UBQLN1: variants seen among roughly 807,000 people sequenced by gnomAD.
UBQLN1 encodes the protein ubiquilin-1.
In UBQLN1, 13 loss-of-function variants were observed where a neutral mutation model predicts 65.4. That is an observed-to-expected ratio of 0.20 (90% CI 0.13 to 0.32). UBQLN1 has a LOEUF of 0.32. UBQLN1 is among the 10% of genes least tolerant of loss of function. The pLI is 1.00. For synonymous variants in UBQLN1, 267 were observed against 247.8 expected (o/e 1.08, Z -0.73); for missense variants, 561 against 724.0 (o/e 0.77, Z 2.58).
At chr9:83,700,817 G>A (rs995045837) in intron 1 of UBQLN1, among the ~76,000 whole-genome samples, 1 of 152,030 alleles carries the variant, frequency 6.6e-6, no homozygotes, top group African/African-American at 2.4e-5. Flanking sequence ...AAATGGAGAG[G>A]GCATGGAACC....
intron 1 of UBQLN1, among the ~76,000 whole-genome samples, chr9:83,687,398 G>A (rs1832057255): frequency 6.6e-6 from 1 of 152,190 alleles, no homozygotes; most frequent in Non-Finnish European, 1.5e-5. Context: ...GCTTCAGAGT[G>A]GGCCCAGGAA....
rs1464552893 is a variant in UBQLN1 at position 83,669,262 on chromosome 9, T to C, written c.1171A>G (p.Met391Val). Reference sequence around the variant, plus strand: ...TAGGGGGCAGACAACATGTTTTGCATCAGTTGTGGGTTTTCAGTTATTTGT... The same window carrying C: ...TAGGGGGCAGACAACATGTTTTGCACCAGTTGTGGGTTTTCAGTTATTTGT... ...LQQITENPQL[M>V]QNMLSAPYMR... Residue 391 changes from methionine (M) to valine (V), a missense_variant, in exon 7 of 11, where the codon ATG (methionine) becomes GTG (valine). This residue lies in a region of UBQLN1 where 102 missense variants were observed against 150.7 expected (regional missense o/e 0.68). Transcript: ENST00000376395. 1 of 1,613,070 alleles carries C rather than the reference T, an allele frequency of 6.2e-7. No homozygotes were observed. Among genetic ancestry groups the C allele is most frequent in the South Asian group, 1.1e-5 (1 of 90,874 alleles).
At chr9:83,693,923 A>C (rs1218859602) in intron 1 of UBQLN1, among the ~76,000 whole-genome samples, 1 of 152,226 alleles carries the variant, frequency 6.6e-6, no homozygotes, top group African/African-American at 2.4e-5. Context: ...GGCTGATGGG[A>C]GAATTAAGAG....
At chr9:83,678,806 T>A (rs1446807471) in intron 4 of UBQLN1, among the ~76,000 whole-genome samples, 1 of 152,076 alleles carries the variant, frequency 6.6e-6, no homozygotes, top group Non-Finnish European at 1.5e-5. Flanking sequence ...AAGCTCCGCC[T>A]CCCGGGTTCA....
At chr9:83,681,176 C>G (rs1831934121) in intron 3 of UBQLN1, among the ~76,000 whole-genome samples, 1 of 152,184 alleles carries the variant, frequency 6.6e-6, no homozygotes, top group South Asian at 2.1e-4. Flanking sequence ...CCAGGGAATA[C>G]CTGGAAATAG....
intron 6 of UBQLN1, among the ~76,000 whole-genome samples, chr9:83,676,630 AAT>A (rs1831837707): frequency 6.6e-6 from 1 of 152,194 alleles, no homozygotes; most frequent in African/African-American, 2.4e-5. Flanking sequence ...TCTATAAAAG[AAT>A]ATATATCAAC....
At chr9:83,670,559 C>T (rs543271257) in intron 6 of UBQLN1, among the ~76,000 whole-genome samples, 2 of 152,228 alleles carry the variant, frequency 1.3e-5, no homozygotes, top group Non-Finnish European at 1.5e-5. Flanking sequence ...AAAAACTCTG[C>T]ACATAAATAT....
At chr9:83,668,158 C>T in intron 7 of UBQLN1, 2 of 985,356 alleles carry the variant, frequency 2.0e-6, no homozygotes, top group Non-Finnish European at 2.4e-6. Flanking sequence ...CTCCAATATA[C>T]AGAATCACAG....
At position 83,679,742 on chromosome 9, in the gene UBQLN1, T is replaced by C. The variant is rs757080256; in HGVS notation, c.711+33A>G. 23 of 1,602,228 alleles carry C rather than the reference T, an allele frequency of 1.4e-5. No homozygotes were observed. In the South Asian group the frequency reaches 1.8e-4, roughly 12 times the overall value. On this transcript the variant is annotated intron_variant, in intron 4 of 10. Coordinates refer to ENST00000376395, the MANE Select transcript of UBQLN1 (RefSeq NM_013438.5). The stretch of plus-strand genomic sequence containing the variant: ...ATTAAATAACAAATATATCATTTTT[T>C]AGCTAAACGAACTGAAAGAACTTTC...
intron 3 of UBQLN1, among the ~76,000 whole-genome samples, chr9:83,680,286 T>C (rs1831919007): frequency 6.6e-6 from 1 of 152,300 alleles, no homozygotes; most frequent in South Asian, 2.1e-4. Context: ...AGTATAATAA[T>C]AAATATATTT....
rs1384081084 is a variant in UBQLN1 at position 83,673,586 on chromosome 9, C to T, written c.1105+4141G>A. Among the ~76,000 whole-genome samples, 3 of 135,120 alleles carry T rather than the reference C, an allele frequency of 2.2e-5. No individual in the cohort carries two copies. The Admixed American group carries it at 2.2e-4, about 10-fold the overall frequency. The allele number at this position is 135,120 out of a possible 152,430, so 88.6% of individuals were successfully genotyped here. ...AAAAAAACAAAAAAAAAAAACTGCGCTTACGTTTTTATTTTTAAATAGTTA... is the reference window on the plus strand; with the variant it reads ...AAAAAAACAAAAAAAAAAAACTGCGTTTACGTTTTTATTTTTAAATAGTTA... On this transcript the variant is annotated intron_variant, in intron 6 of 10. Transcript: ENST00000376395.
At chr9:83,669,137 ATT>A in intron 7 of UBQLN1, 46 bp downstream of exon 7, 1 of 1,571,096 alleles carries the variant, frequency 6.4e-7, no homozygotes, top group Non-Finnish European at 8.6e-7. Flanking sequence ...AGATTAGGTT[ATT>A]TTAATTCACA....
chr9:83,695,266 T>C (rs994427007), intron 1 of UBQLN1, among the ~76,000 whole-genome samples: 1 of 151,514 alleles, frequency 6.6e-6, no homozygotes, highest in Non-Finnish European at 1.5e-5. Flanking sequence ...TGGCGCCATC[T>C]TGGCTCACTG....
chr9:83,665,185 A>G (rs1201254366), intron 8 of UBQLN1, 40 bp from the exon 9 acceptor site: 2 of 1,459,112 alleles, frequency 1.4e-6, no homozygotes, highest in Admixed American at 3.9e-5. Context: ...AAGGAATTAA[A>G]ATCAGTGAAC....
In UBQLN1 at chr9:83,660,084, A is replaced by C. The variant is rs546717127; in HGVS notation, c.*1703T>G. ...GTACAGAAGTTTTTAAACCAAACTG[A>C]GGCATAAAGCAGAAAGAGCAAAGAC... On this transcript the variant is annotated 3_prime_UTR_variant, in exon 11 of 11. Transcript: ENST00000376395. 2 of 152,342 alleles carry C rather than the reference A, an allele frequency of 1.3e-5. No individual in the cohort carries two copies. The highest frequency in any genetic ancestry group is 4.8e-5 in the African/African-American group (2 of 41,580). 9.4% of individuals were successfully genotyped at this position (152,342 alleles called of 1,614,324 possible).
intron 1 of UBQLN1, among the ~76,000 whole-genome samples, chr9:83,705,819 C>T (rs1486233153): frequency 1.3e-5 from 2 of 151,824 alleles, no homozygotes; most frequent in Non-Finnish European, 2.9e-5. Context: ...AACTCAAAAA[C>T]ATTATGCTGA....
In UBQLN1 at chr9:83,663,880, G is replaced by T; in HGVS notation, c.1612C>A (p.Pro538Thr). 6.2e-7 allele frequency: 1 copy of T among 1,613,114 alleles called. No individual in the cohort carries two copies. Among genetic ancestry groups the T allele is most frequent in the Non-Finnish European group, 8.5e-7 (1 of 1,179,626 alleles). The change falls in exon 10 of 11, where the codon CCT becomes ACT. Residue 538 changes from proline (P) to threonine (T), a missense_variant. By Grantham distance (38) the Pro-to-Thr change is conservative. Coordinates refer to ENST00000376395, the MANE Select transcript of UBQLN1 (RefSeq NM_013438.5). Reference protein sequence around the residue: ...QMLQALAGVNPQLQNPEVRFQ... With the variant: ...QMLQALAGVNTQLQNPEVRFQ... ...GAATGGAAAAGAACTGATACCTGAG[G>T]ATTTACTCCAGCAAGAGCCTGCAGC... is the stretch of plus-strand genomic sequence containing the variant.
chr9:83,665,841 A>G (rs958981300), intron 8 of UBQLN1, among the ~76,000 whole-genome samples: 2 of 152,218 alleles, frequency 1.3e-5, no homozygotes, highest in Non-Finnish European at 2.9e-5. Context: ...ACTCGTTTAT[A>G]CTATAACCTT....
intron 10 of UBQLN1, 112 bp downstream of exon 10, chr9:83,663,763 T>C: frequency 8.4e-7 from 1 of 1,191,678 alleles, no homozygotes. Flanking sequence ...TTCATTAATC[T>C]AAACACCTAA....
Sources: gnomAD v4.1 joint callset for allele counts (sites outside exome capture counted in the v4.1 genomes callset) on GRCh38, gnomAD v4.1.1 for gene constraint, gnomAD v4.1.1 regional missense constraint, MANE v1.5 for transcripts, NCBI Gene and HGNC (gene_info 2026-07-23, HGNC 2026-07-21) for gene names.